COL21A1: variants seen among roughly 807,000 people sequenced by gnomAD.
COL21A1 encodes the protein collagen alpha-1(XXI) chain.
A neutral mutation model predicts 137.9 loss-of-function variants in COL21A1; 149 were observed. The observed-to-expected ratio is 1.08, with a 90% CI of 0.95 to 1.24. The LOEUF is 1.24. Among genes scored for constraint, COL21A1 ranks in the 50% most tolerant of loss-of-function variants. COL21A1 has a pLI of 0.00. For synonymous variants in COL21A1, 456 were observed against 391.5 expected (o/e 1.16, Z -1.95); for missense variants, 1,167 against 1,158.4 (o/e 1.01, Z -0.11).
intron 17 of COL21A1, among the ~76,000 whole-genome samples, chr6:56,083,242 G>T (rs34644150): frequency 6.6e-6 from 1 of 151,914 alleles, no homozygotes; most frequent in African/African-American, 2.4e-5. Context: ...GTTTCTTGCA[G>T]CTGTAGGACC....
At chr6:56,321,054 T>A (rs546108330) in intron 1 of COL21A1, among the ~76,000 whole-genome samples, 40 of 152,134 alleles carry the variant, frequency 2.6e-4, no homozygotes, top group Non-Finnish European at 5.4e-4. Context: ...ACATGGAAAA[T>A]AATAAGTAGC....
At chr6:56,326,001 CATATATT>C (rs1765079415) in intron 1 of COL21A1, among the ~76,000 whole-genome samples, 1 of 2,574 alleles carries the variant, frequency 3.9e-4, no homozygotes, top group Non-Finnish European at 9.3e-4. Flanking sequence ...TATATACATA[CATATATT>C]ATGTATATGT....
chr6:56,268,323 C>T (rs781370056), intron 1 of COL21A1, among the ~76,000 whole-genome samples: 6 of 152,268 alleles, frequency 3.9e-5, no homozygotes, highest in East Asian at 3.9e-4. Context: ...AACATGGGTG[C>T]GGTTCCAGGG....
intron 1 of COL21A1, among the ~76,000 whole-genome samples, chr6:56,208,948 G>A (rs1273920652): frequency 6.6e-6 from 1 of 152,116 alleles, no homozygotes; most frequent in Admixed American, 6.6e-5. Flanking sequence ...TTAATAAATG[G>A]TGTTTGGAAA....
chr6:56,244,589 AG>A (rs1450185590), intron 1 of COL21A1, among the ~76,000 whole-genome samples: 4 of 152,224 alleles, frequency 2.6e-5, no homozygotes, highest in African/African-American at 2.4e-5. Context: ...TAATTTTTAA[AG>A]TATCCTAATG....
intron 16 of COL21A1, among the ~76,000 whole-genome samples, chr6:56,113,151 G>A (rs1771601603): frequency 6.6e-6 from 1 of 152,200 alleles, no homozygotes; most frequent in Non-Finnish European, 1.5e-5. Context: ...AAGAATCCTA[G>A]TGCTGAACTA....
At chr6:56,097,015 TA>T (rs67988268) in intron 17 of COL21A1, among the ~76,000 whole-genome samples, 5,870 of 149,828 alleles carry the variant, frequency 0.039, 222 homozygotes, top group African/African-American at 0.092. Context: ...CATTAATTGT[TA>T]AAAAAAAAAT....
chr6:56,348,794 T>A (rs1765647201), intron 1 of COL21A1, among the ~76,000 whole-genome samples: 1 of 152,214 alleles, frequency 6.6e-6, no homozygotes, highest in Non-Finnish European at 1.5e-5. Flanking sequence ...AGACAGGAAG[T>A]GGGATCTTTC....
intron 1 of COL21A1, among the ~76,000 whole-genome samples, chr6:56,204,043 G>A (rs551052147): frequency 2.0e-4 from 31 of 152,114 alleles, no homozygotes; most frequent in Non-Finnish European, 3.5e-4. Flanking sequence ...CTGGGTGGCC[G>A]TTTGGGCAGA....
chr6:56,057,874 AG>A, intron 29 of COL21A1, 30 bp from the exon 30 acceptor site: 1 of 1,431,676 alleles, frequency 7.0e-7, no homozygotes, highest in Non-Finnish European at 9.2e-7. Flanking sequence ...AGACGTAAAC[AG>A]AGGACTTTAG....
chr6:56,144,797 G>C (rs928969070), intron 10 of COL21A1, among the ~76,000 whole-genome samples: 1 of 152,180 alleles, frequency 6.6e-6, no homozygotes, highest in Non-Finnish European at 1.5e-5. Context: ...CAGTTAAGTG[G>C]AAAGACGATG....
At chr6:56,371,917 C>G (rs1275208632) in intron 1 of COL21A1, among the ~76,000 whole-genome samples, 2 of 152,134 alleles carry the variant, frequency 1.3e-5, no homozygotes, top group Non-Finnish European at 2.9e-5. Flanking sequence ...AGTCCCTGCT[C>G]CACAGAGCTG....
At chr6:56,220,841 A>C in intron 1 of COL21A1, among the ~76,000 whole-genome samples, 1 of 152,104 alleles carries the variant, frequency 6.6e-6, no homozygotes, top group South Asian at 2.1e-4. Flanking sequence ...CTATACTATT[A>C]CCTCAATTTT....
chr6:56,140,141 T>G (rs1238979771), intron 12 of COL21A1, among the ~76,000 whole-genome samples: 1 of 152,186 alleles, frequency 6.6e-6, no homozygotes, highest in African/African-American at 2.4e-5. Context: ...AAAAATTAGT[T>G]CTCCATACAA....
At chr6:56,344,607 T>G (rs376263194) in intron 1 of COL21A1, among the ~76,000 whole-genome samples, 2 of 152,316 alleles carry the variant, frequency 1.3e-5, no homozygotes, top group East Asian at 3.9e-4. Context: ...TCACATTCAT[T>G]CGTTATTTCA....
chr6:56,223,996 A>C (rs1002069262), intron 1 of COL21A1, among the ~76,000 whole-genome samples: 1 of 152,102 alleles, frequency 6.6e-6, no homozygotes, highest in Non-Finnish European at 1.5e-5. Flanking sequence ...TCCTGGGATA[A>C]GGGCAAATTT....
intron 16 of COL21A1, among the ~76,000 whole-genome samples, chr6:56,117,773 A>G (rs1477828472): frequency 1.3e-5 from 2 of 152,024 alleles, no homozygotes; most frequent in Non-Finnish European, 2.9e-5. Context: ...AATCAATAAC[A>G]AGAGGTATTT....
chr6:56,122,772 C>T (rs1167343474), intron 16 of COL21A1, among the ~76,000 whole-genome samples: 3 of 152,120 alleles, frequency 2.0e-5, no homozygotes, highest in Non-Finnish European at 4.4e-5. Flanking sequence ...GAACTAATTC[C>T]TTATTTAACA....
intron 3 of COL21A1, among the ~76,000 whole-genome samples, chr6:56,173,893 T>A (rs933181885): frequency 7.9e-5 from 12 of 152,138 alleles, no homozygotes; most frequent in Admixed American, 7.9e-4. Context: ...AGAATACACA[T>A]TCCCTTCAAT....
Sources: gnomAD v4.1 joint callset for allele counts (sites outside exome capture counted in the v4.1 genomes callset) on GRCh38, gnomAD v4.1.1 for gene constraint, MANE v1.5 for transcripts, NCBI Gene and HGNC (gene_info 2026-07-23, HGNC 2026-07-21) for gene names.